Variants in PDCD6 observed in about 807,000 individuals in gnomAD.
PDCD6 encodes the protein programmed cell death protein 6.
Under a neutral mutation model 28.3 loss-of-function variants are expected in PDCD6, and 12 were observed. The observed-to-expected ratio is 0.42, with a 90% CI of 0.27 to 0.69. The LOEUF (loss-of-function observed/expected upper bound fraction) is 0.69, where lower values mean the gene tolerates loss of function less well. PDCD6 is among the 30% of genes least tolerant of loss of function. PDCD6 has a pLI of 0.22. For missense variants in PDCD6, 226 were observed against 269.9 expected, an observed-to-expected ratio of 0.84 and a Z score of 1.14; for synonymous variants, 92 against 108.0, an observed-to-expected ratio of 0.85 and a Z score of 0.92.
intron 2 of PDCD6, among the ~76,000 whole-genome samples, chr5:300,558 A>G (rs1739989738): frequency 6.6e-6 from 1 of 152,258 alleles, no homozygotes; most frequent in Admixed American, 6.5e-5. Flanking sequence ...AAGTGACTCC[A>G]TGGCCTTGGG....
intron 4 of PDCD6, among the ~76,000 whole-genome samples, 183 bp downstream of exon 4, chr5:306,943 G>A (rs188920714): frequency 2.0e-5 from 3 of 152,274 alleles, no homozygotes; most frequent in East Asian, 1.9e-4. Context: ...ACATGGATAC[G>A]TTTATTCAGG....
chr5:311,519 C>G, intron 5 of PDCD6, 117 bp downstream of exon 5: 2 of 683,114 alleles, frequency 2.9e-6, no homozygotes, highest in South Asian at 1.8e-5. Context: ...GTTTTTGGAG[C>G]TTATAAAAGT....
intron 2 of PDCD6, chr5:288,862 C>G: frequency 6.5e-7 from 1 of 1,527,010 alleles, no homozygotes; most frequent in Non-Finnish European, 8.9e-7. Context: ...TCGGTGACTT[C>G]TGTGGCTTCG....
intron 2 of PDCD6, among the ~76,000 whole-genome samples, chr5:301,806 A>G (rs926057377): frequency 1.4e-5 from 2 of 145,124 alleles, no homozygotes; most frequent in Non-Finnish European, 3.0e-5. Flanking sequence ...CCTCGGGTTC[A>G]GGTGCACCTG....
chr5:285,363 C>T (rs546773366), intron 2 of PDCD6, among the ~76,000 whole-genome samples: 7 of 151,444 alleles, frequency 4.6e-5, no homozygotes, highest in African/African-American at 1.7e-4. Flanking sequence ...GAGGGCTGTG[C>T]GCCTGGAGCC....
chr5:280,988 G>A (rs982145202), intron 2 of PDCD6, among the ~76,000 whole-genome samples: 5 of 152,274 alleles, frequency 3.3e-5, no homozygotes, highest in African/African-American at 1.2e-4. Flanking sequence ...TCTCAACAAA[G>A]TAAATTCATA....
chr5:284,470 G>A (rs1445769870), intron 2 of PDCD6, among the ~76,000 whole-genome samples: 1 of 152,054 alleles, frequency 6.6e-6, no homozygotes, highest in Non-Finnish European at 1.5e-5. Flanking sequence ...TTTGAGGGCC[G>A]GGTAGCTGAT....
intron 2 of PDCD6, chr5:290,361 A>G (rs1278804854): frequency 4.7e-6 from 5 of 1,058,608 alleles, no homozygotes; most frequent in East Asian, 2.4e-5. Context: ...CTCCCTCCGC[A>G]GGTCTCTTGG....
chr5:301,607 C>T (rs897597339), intron 2 of PDCD6, among the ~76,000 whole-genome samples: 1 of 152,032 alleles, frequency 6.6e-6, no homozygotes, highest in Non-Finnish European at 1.5e-5. Flanking sequence ...GTGTGTATGC[C>T]TCAGGTTCAG....
intron 2 of PDCD6, chr5:275,864 T>C (rs1404030358): frequency 7.1e-6 from 3 of 421,852 alleles, no homozygotes; most frequent in African/African-American, 4.1e-5. Flanking sequence ...CATGTGAGCA[T>C]TCACCGTGGC....
chr5:306,640 A>T lies in PDCD6; in HGVS notation c.247A>T (p.Ser83Cys). ...DRENKAGVNF[S>C]EFTGVWKYIT... ...TGAGAACAAGGCCGGCGTGAACTTC[A>T]GCGAGTTCACGGGTGTGTGGAAGTA... The change falls in exon 4 of 6, where the codon AGC (serine) becomes TGC (cysteine). Residue 83 changes from serine to cysteine, a missense_variant. By Grantham distance (112) the Ser-to-Cys change is moderately radical (BLOSUM62 -1). Transcript: ENST00000264933. The T allele has an allele frequency of 6.2e-7, 1 of 1,613,936 alleles. No homozygotes were observed. The highest frequency in any genetic ancestry group is 8.5e-7 in the Non-Finnish European group (1 of 1,179,934).
At chr5:282,860 A>C (rs1301468792) in intron 2 of PDCD6, among the ~76,000 whole-genome samples, 1 of 151,730 alleles carries the variant, frequency 6.6e-6, no homozygotes, top group Non-Finnish European at 1.5e-5. Context: ...CTGATCTTCT[A>C]GTTTGAGGGT....
At chr5:299,757 G>A (rs1309882885) in intron 2 of PDCD6, among the ~76,000 whole-genome samples, 4 of 152,134 alleles carry the variant, frequency 2.6e-5, no homozygotes, top group African/African-American at 7.2e-5. Flanking sequence ...CACCATATTA[G>A]CCAGGATGGT....
intron 2 of PDCD6, 50 bp downstream of exon 2, chr5:272,822 T>C (rs536519487): frequency 6.4e-7 from 1 of 1,555,030 alleles, no homozygotes; most frequent in Admixed American, 1.8e-5. Flanking sequence ...GCCGCGAGCC[T>C]GCCCTGTTCA....
At chr5:311,437 G>A (rs760922697) in intron 5 of PDCD6, 35 bp downstream of exon 5, 3 of 1,433,882 alleles carry the variant, frequency 2.1e-6, no homozygotes, top group South Asian at 2.3e-5. Flanking sequence ...TTGTGGTGGT[G>A]GTGGGAGGGG....
At chr5:277,916 A>G (rs1218883213) in intron 2 of PDCD6, among the ~76,000 whole-genome samples, 32 of 151,082 alleles carry the variant, frequency 2.1e-4, no homozygotes, top group African/African-American at 7.0e-4. Flanking sequence ...CCATCTCAAA[A>G]AAAAAAAAAA....
intron 3 of PDCD6, 130 bp from the exon 4 acceptor site, chr5:306,472 T>C (rs1740492280): frequency 2.6e-6 from 2 of 772,304 alleles, no homozygotes; most frequent in African/African-American, 3.4e-5. Context: ...CAGGCATGCA[T>C]TGCCCAGTCC....
chr5:310,137 G>A (rs1447133135), intron 4 of PDCD6: 2 of 183,824 alleles, frequency 1.1e-5, no homozygotes, highest in Non-Finnish European at 2.3e-5. Flanking sequence ...CAGGGAGTGA[G>A]GAGGTGGGAG....
intron 5 of PDCD6, chr5:313,647 G>A (rs2672767): frequency 0.67 from 101,409 of 151,990 alleles, 34,473 homozygotes; most frequent in African/African-American, 0.74. Context: ...AGGTCTTGAT[G>A]TGCGAGGACG....
Sources: gnomAD v4.1 joint callset for allele counts (sites outside exome capture counted in the v4.1 genomes callset) on GRCh38, gnomAD v4.1.1 for gene constraint, MANE v1.5 for transcripts, NCBI Gene and HGNC (gene_info 2026-07-23, HGNC 2026-07-21) for gene names.